BMPR1A: variants seen among roughly 807,000 people sequenced by gnomAD.
BMPR1A encodes bone morphogenetic protein receptor type 1A, also known as bone morphogenetic protein receptor type-1A.
Under a neutral mutation model 66.0 loss-of-function variants are expected in BMPR1A, and 7 were observed. That is an observed-to-expected ratio of 0.11 (90% CI 0.06 to 0.20). The LOEUF (loss-of-function observed/expected upper bound fraction) is 0.20, where lower values mean the gene tolerates loss of function less well. Among genes scored for constraint, BMPR1A ranks in the 10% least tolerant of loss-of-function variants. BMPR1A has a pLI of 1.00. For synonymous variants in BMPR1A, 200 were observed against 229.7 expected (o/e 0.87, Z 1.17); for missense variants, 408 against 669.1 (o/e 0.61, Z 4.31).
intron 7 of BMPR1A, among the ~76,000 whole-genome samples, chr10:86,906,442 GGGCGCGGTGGC>G (rs1843389016): frequency 9.6e-6 from 1 of 104,432 alleles, no homozygotes; most frequent in Admixed American, 8.3e-5. Context: ...CCTTTTGGCT[GGGCGCGGTGGC>G]TCACGCCTGT....
chr10:86,805,366 A>G (rs57770855), intron 1 of BMPR1A, among the ~76,000 whole-genome samples: 1 of 138,352 alleles, frequency 7.2e-6, no homozygotes, highest in Non-Finnish European at 1.6e-5. Context: ...CTGTCTCTTC[A>G]CTCCTACCTG....
At chr10:86,902,147 A>G (rs1843320441) in intron 7 of BMPR1A, among the ~76,000 whole-genome samples, 1 of 152,304 alleles carries the variant, frequency 6.6e-6, no homozygotes, top group South Asian at 2.1e-4. Context: ...GGCGTGAGCC[A>G]CCGCACCTGG....
intron 3 of BMPR1A, among the ~76,000 whole-genome samples, chr10:86,883,276 G>T (rs2133360052): frequency 6.6e-6 from 1 of 151,746 alleles, no homozygotes; most frequent in African/African-American, 2.4e-5. Context: ...ATCACTTGAG[G>T]TCAGGAGTTC....
intron 1 of BMPR1A, among the ~76,000 whole-genome samples, chr10:86,801,518 C>G (rs900788658): frequency 1.3e-5 from 2 of 152,118 alleles, no homozygotes; most frequent in African/African-American, 4.8e-5. Flanking sequence ...GACTGTTTCT[C>G]CCCTCTCTTC....
In BMPR1A at chr10:86,875,856, T is replaced by G. The variant is rs748444119; in HGVS notation, c.-152-11T>G. 2 of 671,556 alleles carry G rather than the reference T, an allele frequency of 3.0e-6. No individual in the cohort carries two copies. The allele number at this position is 671,556 out of a possible 1,614,324, so 41.6% of individuals were successfully genotyped here. A position where few individuals can be genotyped will look rare whatever the true frequency, so the allele number is the denominator to read the frequency against. On this transcript the variant is annotated splice_polypyrimidine_tract_variant and intron_variant, in intron 2 of 12. Transcript: ENST00000372037. Reference sequence around the variant, plus strand: ...TGTATTCCTTACCTTTTAAATATTTTTGTCTTTCAGGAGTCGTAAGAAAGC... The same window carrying G: ...TGTATTCCTTACCTTTTAAATATTTGTGTCTTTCAGGAGTCGTAAGAAAGC...
chr10:86,820,452 C>G (rs1224577288), intron 1 of BMPR1A, among the ~76,000 whole-genome samples: 1 of 151,434 alleles, frequency 6.6e-6, no homozygotes, highest in African/African-American at 2.4e-5. Flanking sequence ...CCTCAAAGAT[C>G]ACTGTATGAC....
In BMPR1A at chr10:86,837,392, A is replaced by G. The variant is rs1842369084; in HGVS notation, c.-267-1473A>G. 7.2e-5 allele frequency among the ~76,000 whole-genome samples: 11 copies of G among 152,058 alleles called. No individual in the cohort carries two copies. In the South Asian group the frequency reaches 2.3e-3, roughly 32 times the overall value. Reference sequence around the variant, plus strand: ...GCCAGGCCATATATTTTTGAAACAGACACTTTGATGGACTGTTTTTACTTT... The same window carrying G: ...GCCAGGCCATATATTTTTGAAACAGGCACTTTGATGGACTGTTTTTACTTT... On this transcript the variant is annotated intron_variant, in intron 1 of 12. Transcript: ENST00000372037.
intron 2 of BMPR1A, among the ~76,000 whole-genome samples, chr10:86,839,887 C>T (rs1260789093): frequency 6.6e-6 from 1 of 151,936 alleles, no homozygotes; most frequent in Non-Finnish European, 1.5e-5. Context: ...GTCTTGAACC[C>T]CTGGACTCAA....
chr10:86,763,391 C>T (rs1841104828), intron 1 of BMPR1A, among the ~76,000 whole-genome samples: 1 of 152,112 alleles, frequency 6.6e-6, no homozygotes, highest in South Asian at 2.1e-4. Flanking sequence ...GGATGCCACA[C>T]TAACCCAATC....
At position 86,815,154 on chromosome 10, in the gene BMPR1A, G is replaced by A. The variant is rs1458340657; in HGVS notation, c.-267-23711G>A. On this transcript the variant is annotated intron_variant, in intron 1 of 12. Coordinates refer to ENST00000372037, the MANE Select transcript of BMPR1A (RefSeq NM_004329.3). ...AACTTTGCCATGGGTCAGTTTTATT[G>A]GAAGTTCATTTTCCTGAATGTTTGG... Among the ~76,000 whole-genome samples the A allele has an allele frequency of 2.6e-5, 4 of 152,068 alleles. No homozygotes were observed. In the East Asian group the frequency reaches 5.8e-4, roughly 22 times the overall value.
intron 2 of BMPR1A, chr10:86,854,929 T>A (rs1842618563): frequency 5.6e-6 from 1 of 180,030 alleles, no homozygotes; most frequent in African/African-American, 2.4e-5. Context: ...TTTTTTTTCT[T>A]TTTCTTTTTT....
At chr10:86,866,408 T>TTCTTTTTTTTTC (rs1554885986) in intron 2 of BMPR1A, among the ~76,000 whole-genome samples, 1 of 110,446 alleles carries the variant, frequency 9.1e-6, no homozygotes, top group African/African-American at 4.4e-5. Context: ...TCTTTTTTTT[T>TTCTTTTTTTTTC]TTTTTTTTTT....
chr10:86,772,148 T>TTG (rs1317027913), intron 1 of BMPR1A, among the ~76,000 whole-genome samples: 2 of 122,068 alleles, frequency 1.6e-5, no homozygotes, highest in African/African-American at 5.8e-5. Context: ...TTTTTTTTTT[T>TTG]GAGACAGAGT....
Position 86,919,370 on chromosome 10 carries a change from C to G in BMPR1A, c.1067C>G (p.Pro356Arg), listed in dbSNP as rs1589291749. ...HTEIYGTQGK[P>R]AIAHRDLKSK... ...GAAATTTATGGCACCCAAGGAAAGC[C>G]CGCAATTGCTCATCGAGACCTAAAG... The change falls in exon 10 of 13, where the codon CCC (proline) becomes CGC (arginine). Residue 356 changes from proline to arginine, a missense_variant. Coordinates refer to ENST00000372037, the MANE Select transcript of BMPR1A (RefSeq NM_004329.3). The G allele has an allele frequency of 3.7e-6, 6 of 1,613,126 alleles. No homozygotes were observed. The highest frequency in any genetic ancestry group is 4.2e-6 in the Non-Finnish European group (5 of 1,179,848).
intron 1 of BMPR1A, among the ~76,000 whole-genome samples, chr10:86,799,796 C>G (rs991516215): frequency 2.0e-5 from 3 of 152,072 alleles, no homozygotes; most frequent in African/African-American, 7.2e-5. Flanking sequence ...CTTCGACCTC[C>G]CAGCGTGCTG....
At chr10:86,799,453 T>TCTTTCTTCCTTC (rs1220646294) in intron 1 of BMPR1A, among the ~76,000 whole-genome samples, 9 of 146,498 alleles carry the variant, frequency 6.1e-5, no homozygotes, top group African/African-American at 1.9e-4. Context: ...TTGTACATTT[T>TCTTTCTTCCTTC]CTTTCTTCCT....
At chr10:86,871,833 C>T (rs998779842) in intron 2 of BMPR1A, among the ~76,000 whole-genome samples, 1 of 152,092 alleles carries the variant, frequency 6.6e-6, no homozygotes, top group African/African-American at 2.4e-5. Context: ...GTCCAGTCTC[C>T]CTTTCTATCA....
At chr10:86,888,345 G>A (rs1294389332) in intron 3 of BMPR1A, among the ~76,000 whole-genome samples, 1 of 151,980 alleles carries the variant, frequency 6.6e-6, no homozygotes, top group Non-Finnish European at 1.5e-5. Context: ...TGGGGTGCCT[G>A]TAATCCCAGC....
intron 9 of BMPR1A, 100 bp downstream of exon 9, chr10:86,917,426 T>C: frequency 7.1e-7 from 1 of 1,408,306 alleles, no homozygotes; most frequent in South Asian, 1.2e-5. Context: ...AGTTCAACTA[T>C]ATACATTTGG....
Sources: gnomAD v4.1 joint callset for allele counts (sites outside exome capture counted in the v4.1 genomes callset) on GRCh38, gnomAD v4.1.1 for gene constraint, MANE v1.5 for transcripts, NCBI Gene and HGNC (gene_info 2026-07-23, HGNC 2026-07-21) for gene names.